The following CAMTA1 variants were observed in gnomAD, a reference collection of about 807,000 sequenced individuals.
CAMTA1 encodes calmodulin binding transcription activator 1.
CAMTA1 carries 27 observed loss-of-function variants against 170.9 expected under a neutral mutation model. That is an observed-to-expected ratio of 0.16 (90% CI 0.12 to 0.22). CAMTA1 has a LOEUF of 0.22. CAMTA1 is among the 10% of genes least tolerant of loss of function. CAMTA1 has a pLI of 1.00. For missense variants in CAMTA1, 1,619 were observed against 2,217.2 expected, an observed-to-expected ratio of 0.73 and a Z score of 5.42; for synonymous variants, 833 against 891.5, an observed-to-expected ratio of 0.93 and a Z score of 1.17.
intron 5 of CAMTA1, among the ~76,000 whole-genome samples, chr1:7,289,790 C>T (rs1672861504): frequency 6.6e-6 from 1 of 152,160 alleles, no homozygotes; most frequent in Admixed American, 6.5e-5. Flanking sequence ...AGGGATGTGT[C>T]TTCAAGCTGA....
chr1:6,907,606 G>A (rs772763912), intron 3 of CAMTA1, among the ~76,000 whole-genome samples: 3 of 152,182 alleles, frequency 2.0e-5, no homozygotes, highest in African/African-American at 4.8e-5. Context: ...ATGGTGAGCC[G>A]GTGGTCCCCT....
intron 4 of CAMTA1, among the ~76,000 whole-genome samples, chr1:7,213,877 C>A (rs1057263052): frequency 2.6e-5 from 4 of 151,908 alleles, no homozygotes; most frequent in Admixed American, 2.6e-4. Context: ...TTTGTCCTTG[C>A]GATAGTTTGC....
At chr1:7,199,184 G>A (rs1180417794) in intron 4 of CAMTA1, among the ~76,000 whole-genome samples, 1 of 152,198 alleles carries the variant, frequency 6.6e-6, no homozygotes, top group African/African-American at 2.4e-5. Flanking sequence ...TCAGAGGACA[G>A]GCGAGGCCTG....
intron 6 of CAMTA1, among the ~76,000 whole-genome samples, chr1:7,525,627 TC>T (rs1408826644): frequency 6.6e-6 from 1 of 152,096 alleles, no homozygotes; most frequent in African/African-American, 2.4e-5. Flanking sequence ...AGGCTCATTT[TC>T]CCCAGAACAA....
chr1:7,716,219 G>T (rs1226742803), intron 11 of CAMTA1, among the ~76,000 whole-genome samples: 1 of 152,038 alleles, frequency 6.6e-6, no homozygotes, highest in Non-Finnish European at 1.5e-5. Flanking sequence ...GTTTTGTTGA[G>T]ATAGGGTCTT....
chr1:6,945,130 T>A (rs572173093), intron 3 of CAMTA1, among the ~76,000 whole-genome samples: 1 of 152,338 alleles, frequency 6.6e-6, no homozygotes, highest in East Asian at 1.9e-4. Context: ...TGGCATATGA[T>A]GGGTACTCAA....
intron 11 of CAMTA1, among the ~76,000 whole-genome samples, chr1:7,722,680 C>CT (rs966393414): frequency 1.0e-3 from 153 of 148,670 alleles, no homozygotes; most frequent in East Asian, 1.8e-3. Context: ...CTGAAGGTCT[C>CT]TTTTTTTTTT....
chr1:7,156,037 G>A (rs1646861263), intron 4 of CAMTA1, among the ~76,000 whole-genome samples: 1 of 152,036 alleles, frequency 6.6e-6, no homozygotes, highest in Non-Finnish European at 1.5e-5. Context: ...AGGATCACCT[G>A]AGGTCAGGAG....
chr1:7,658,310 C>T (rs2095923238), intron 7 of CAMTA1, among the ~76,000 whole-genome samples: 1 of 152,218 alleles, frequency 6.6e-6, no homozygotes, highest in South Asian at 2.1e-4. Flanking sequence ...TGAGTTTAAG[C>T]TTAGGACAGA....
In CAMTA1 at chr1:7,674,825, T is replaced by C. The variant is rs921986571; in HGVS notation, c.2780-2774T>C. On this transcript the variant is annotated intron_variant, in intron 10 of 22. Transcript: ENST00000303635. The surrounding 1 kb of genome is among the most constrained non-coding windows in gnomAD (Gnocchi z 4.1). ...CAAAAACAACAAATGAGGTGTAGAA[T>C]TGGGTTTCAAAACAATTCATTCAAC... Among the ~76,000 whole-genome samples the C allele has an allele frequency of 6.6e-6, 1 of 151,922 alleles. No individual in the cohort carries two copies. Among genetic ancestry groups the C allele is most frequent in the East Asian group, 1.9e-4 (1 of 5,184 alleles).
intron 6 of CAMTA1, among the ~76,000 whole-genome samples, chr1:7,589,417 C>T (rs1254622208): frequency 6.6e-6 from 1 of 152,186 alleles, no homozygotes. Flanking sequence ...ATTTTCGTGT[C>T]ATTTCCAAGT....
chr1:7,077,971 G>A (rs1026674949), intron 3 of CAMTA1, among the ~76,000 whole-genome samples: 2 of 151,282 alleles, frequency 1.3e-5, no homozygotes, highest in Non-Finnish European at 2.9e-5. Flanking sequence ...GGTTATTTAT[G>A]GGTGGGAAGA....
Position 7,386,994 on chromosome 1 carries a change from G to A in CAMTA1, c.439-80836G>A, listed in dbSNP as rs577522738. On this transcript the variant is annotated intron_variant, in intron 5 of 22. Coordinates refer to ENST00000303635, the MANE Select transcript of CAMTA1 (RefSeq NM_015215.4). ...GTCCCTCTTATGTTCCTAACTGTTT[G>A]GTTCCCAATCTTCTTTGCTGGCTTG... Among the ~76,000 whole-genome samples, 7 of 152,170 alleles carry A rather than the reference G, an allele frequency of 4.6e-5. No individual in the cohort carries two copies. The East Asian group carries it at 1.4e-3, about 30-fold the overall frequency.
intron 6 of CAMTA1, among the ~76,000 whole-genome samples, chr1:7,502,010 T>C (rs1240762578): frequency 1.3e-5 from 2 of 152,238 alleles, no homozygotes; most frequent in Admixed American, 6.5e-5. Context: ...TAGGGGATCC[T>C]CTGCCTTGGC....
chr1:7,643,266 A>G (rs1159325910), intron 7 of CAMTA1, among the ~76,000 whole-genome samples: 1 of 152,206 alleles, frequency 6.6e-6, no homozygotes, highest in Non-Finnish European at 1.5e-5. Flanking sequence ...CTGGAAAATG[A>G]GGGCCCCTTT....
At chr1:6,927,829 G>T (rs1683618244) in intron 3 of CAMTA1, among the ~76,000 whole-genome samples, 1 of 152,240 alleles carries the variant, frequency 6.6e-6, no homozygotes, top group South Asian at 2.1e-4. Flanking sequence ...GGCAGCCTTG[G>T]TGCACAGTTT....
intron 6 of CAMTA1, among the ~76,000 whole-genome samples, chr1:7,492,329 G>C (rs535339497): frequency 6.6e-6 from 1 of 152,180 alleles, no homozygotes; most frequent in Non-Finnish European, 1.5e-5. Flanking sequence ...GGCTGGGCAG[G>C]GCTTACGGGC....
intron 5 of CAMTA1, among the ~76,000 whole-genome samples, chr1:7,337,504 T>C (rs2083463566): frequency 1.5e-3 from 1 of 658 alleles, no homozygotes; most frequent in South Asian, 0.056. Flanking sequence ...AATCACAGTG[T>C]GGGCCGTGGG....
intron 6 of CAMTA1, among the ~76,000 whole-genome samples, chr1:7,550,834 A>C (rs2150178683): frequency 1.3e-5 from 1 of 78,944 alleles, no homozygotes; most frequent in African/African-American, 4.7e-5. Flanking sequence ...CGGCCCCCTC[A>C]CCTGACCACA....
Sources: gnomAD v4.1 joint callset for allele counts (sites outside exome capture counted in the v4.1 genomes callset) on GRCh38, gnomAD v4.1.1 for gene constraint, Gnocchi (gnomAD v3.1) non-coding constraint, MANE v1.5 for transcripts, NCBI Gene and HGNC (gene_info 2026-07-23, HGNC 2026-07-21) for gene names.